Variants in NAV2 observed in about 807,000 individuals in gnomAD.
NAV2 encodes helicase, APC down-regulated 1.
In NAV2, 54 loss-of-function variants were observed where a neutral mutation model predicts 223.2. The observed-to-expected ratio is 0.24, with a 90% CI of 0.19 to 0.30. NAV2 has a LOEUF of 0.30. Among genes scored for constraint, NAV2 ranks in the 10% least tolerant of loss-of-function variants. NAV2 has a pLI of 1.00. For synonymous variants in NAV2, 1,279 were observed against 1,239.3 expected (o/e 1.03, Z -0.67); for missense variants, 2,806 against 3,147.5 (o/e 0.89, Z 2.60).
At chr11:20,003,566 A>ACC (rs1190817665) in intron 11 of NAV2, among the ~76,000 whole-genome samples, 2 of 152,014 alleles carry the variant, frequency 1.3e-5, no homozygotes, top group African/African-American at 4.8e-5. Context: ...CTCTTGTTCT[A>ACC]CCCACACCCA....
At chr11:20,068,238 C>G in intron 21 of NAV2, 29 bp downstream of exon 21, 1 of 1,613,400 alleles carries the variant, frequency 6.2e-7, no homozygotes. Flanking sequence ...GTTGGATTTC[C>G]TCTTTAAGTA....
At chr11:19,348,431 A>G (rs1294878836), upstream of NAV2, among the ~76,000 whole-genome samples, 1 of 152,184 alleles carries the variant, frequency 6.6e-6, no homozygotes, top group East Asian at 1.9e-4. Context: ...CTCCTTCCAG[A>G]GCAGCATGGA....
rs1554962217 is a variant in NAV2 at position 19,551,735 on chromosome 11, T to TG, written c.75+200713dup. 5.1e-3 allele frequency among the ~76,000 whole-genome samples: 465 copies of TG among 91,066 alleles called. 1 individual carries two copies. The highest frequency in any genetic ancestry group is 0.029 in the South Asian group (90 of 3,126). 59.7% of individuals were successfully genotyped at this position (91,066 alleles called of 152,430 possible). A position where few individuals can be genotyped will look rare whatever the true frequency, so the allele number is the denominator to read the frequency against. Reference sequence around the variant, plus strand: ...TCTCATTTCTACAGTAAAATAGTGGTGGGGGAAAAAATGGTTAGTTCTTTC... The same window carrying TG: ...TCTCATTTCTACAGTAAAATAGTGGTGGGGGGAAAAAATGGTTAGTTCTTTC... On this transcript the variant is annotated intron_variant, in intron 1 of 37. Transcript: ENST00000360655.
At chr11:19,716,329 C>A (rs986567385) in intron 1 of NAV2, among the ~76,000 whole-genome samples, 1 of 152,044 alleles carries the variant, frequency 6.6e-6, no homozygotes, top group African/African-American at 2.4e-5. Context: ...TAGGTGACCA[C>A]CTTGATTAAT....
At chr11:19,543,170 C>A (rs1445733420) in intron 1 of NAV2, among the ~76,000 whole-genome samples, 1 of 152,220 alleles carries the variant, frequency 6.6e-6, no homozygotes, top group Non-Finnish European at 1.5e-5. Context: ...CCCTGCTCTG[C>A]CATTTCCGAT....
chr11:20,043,973 G>T lies in NAV2; in HGVS notation c.2908-8G>T. ...GGAAGGACTAATTCAGAGAGTCTCT[G>T]TCCACAGACTGATGCTGAGAAGCAC... On this transcript the variant is annotated splice_polypyrimidine_tract_variant and splice_region_variant and intron_variant, in intron 12 of 37. Transcript: ENST00000349880. The T allele has an allele frequency of 6.2e-7, 1 of 1,611,878 alleles. No homozygotes were observed. The highest frequency in any genetic ancestry group is 1.1e-5 in the South Asian group (1 of 91,050).
chr11:19,648,248 G>A (rs2047871793), intron 1 of NAV2, among the ~76,000 whole-genome samples: 1 of 152,028 alleles, frequency 6.6e-6, no homozygotes, highest in African/African-American at 2.4e-5. Flanking sequence ...AGTTATTTTA[G>A]GTCTATTGTT....
At chr11:19,679,161 C>T (rs1290575226) in intron 1 of NAV2, among the ~76,000 whole-genome samples, 6 of 152,184 alleles carry the variant, frequency 3.9e-5, no homozygotes, top group East Asian at 1.9e-4. Flanking sequence ...CTGGGTGCAG[C>T]GGCTCACGCC....
chr11:19,548,637 G>A (rs1290474614), intron 1 of NAV2, among the ~76,000 whole-genome samples: 1 of 151,916 alleles, frequency 6.6e-6, no homozygotes, highest in African/African-American at 2.4e-5. Context: ...GGGAGGCCGA[G>A]GTGGGCGGAT....
chr11:19,882,004 T>A (rs879573468), intron 5 of NAV2, among the ~76,000 whole-genome samples: 5 of 152,202 alleles, frequency 3.3e-5, no homozygotes, highest in Non-Finnish European at 5.9e-5. Context: ...AGTTGCACAT[T>A]GCTGTGGCAC....
At chr11:19,663,220 A>G (rs1334490884) in intron 1 of NAV2, among the ~76,000 whole-genome samples, 1 of 152,202 alleles carries the variant, frequency 6.6e-6, no homozygotes, top group Non-Finnish European at 1.5e-5. Context: ...TTAGAAATGC[A>G]TGTAATTTCA....
intron 7 of NAV2, among the ~76,000 whole-genome samples, chr11:19,939,050 T>C (rs1474742409): frequency 6.6e-6 from 1 of 152,130 alleles, no homozygotes; most frequent in Non-Finnish European, 1.5e-5. Context: ...GCTTGACAAA[T>C]AAGGGCATGG....
At chr11:19,917,801 A>G in intron 6 of NAV2, among the ~76,000 whole-genome samples, 1 of 152,138 alleles carries the variant, frequency 6.6e-6, no homozygotes. Context: ...TAGTAGACAC[A>G]GGGTTTCGCC....
At chr11:19,943,227 T>C (rs2046553300) in intron 8 of NAV2, among the ~76,000 whole-genome samples, 1 of 152,146 alleles carries the variant, frequency 6.6e-6, no homozygotes, top group African/African-American at 2.4e-5. Context: ...TGTGGCCAAA[T>C]TGGCAGTAAA....
At chr11:19,371,881 G>C (rs757576759) in intron 1 of NAV2, among the ~76,000 whole-genome samples, 5 of 148,402 alleles carry the variant, frequency 3.4e-5, no homozygotes, top group Non-Finnish European at 7.4e-5. Context: ...GGTTTCAAGT[G>C]ATTCTCCTGC....
At chr11:20,105,335 C>G (rs1227151692) in intron 34 of NAV2, 196 bp from the exon 35 acceptor site, 2 of 480,658 alleles carry the variant, frequency 4.2e-6, no homozygotes, top group Non-Finnish European at 7.3e-6. Context: ...GAGATAATAT[C>G]TATGTTAGAG....
At chr11:19,936,799 A>G (rs2153292693) in intron 7 of NAV2, among the ~76,000 whole-genome samples, 1 of 152,220 alleles carries the variant, frequency 6.6e-6, no homozygotes, top group Middle Eastern at 3.4e-3. Flanking sequence ...GTAATTAAGC[A>G]ATTTGCCCCA....
chr11:19,345,960 C>G (rs538749555), upstream of NAV2, among the ~76,000 whole-genome samples: 85 of 152,254 alleles, frequency 5.6e-4, no homozygotes, highest in Middle Eastern at 3.4e-3. This position sits in a 1 kb window ranked among gnomAD's most constrained non-coding sequence, Gnocchi z 5.2. Context: ...TGAACGCCCT[C>G]TCCAGGTTCT....
intron 6 of NAV2, among the ~76,000 whole-genome samples, chr11:19,920,661 T>C (rs1201347834): frequency 6.6e-6 from 1 of 152,220 alleles, no homozygotes; most frequent in Non-Finnish European, 1.5e-5. Flanking sequence ...GTTATTAGTA[T>C]TAGTTTTATT....
Sources: gnomAD v4.1 joint callset for allele counts (sites outside exome capture counted in the v4.1 genomes callset) on GRCh38, gnomAD v4.1.1 for gene constraint, Gnocchi (gnomAD v3.1) non-coding constraint, MANE v1.5 for transcripts, NCBI Gene and HGNC (gene_info 2026-07-23, HGNC 2026-07-21) for gene names.